Variants in CSNK1D observed in about 807,000 individuals in gnomAD.
CSNK1D encodes the protein casein kinase I isoform delta.
Under a neutral mutation model 46.6 loss-of-function variants are expected in CSNK1D, and 16 were observed. The observed-to-expected ratio is 0.34, with a 90% CI of 0.23 to 0.52. The LOEUF (loss-of-function observed/expected upper bound fraction) is 0.52. CSNK1D is among the 20% of genes least tolerant of loss of function. The pLI is 0.95. For missense variants in CSNK1D, 398 were observed against 578.4 expected, an observed-to-expected ratio of 0.69 and a Z score of 3.20; for synonymous variants, 276 against 228.2, an observed-to-expected ratio of 1.21 and a Z score of -1.89.
At chr17:82,262,670 G>A (rs935472579) in intron 2 of CSNK1D, among the ~76,000 whole-genome samples, 1 of 152,106 alleles carries the variant, frequency 6.6e-6, no homozygotes, top group Non-Finnish European at 1.5e-5. Flanking sequence ...ACCCATAACA[G>A]GACAATCTGC....
rs1358853270 is a variant in CSNK1D, at chr17:82,249,696, A to AC, written c.886-95dup. 2.0e-6 allele frequency: 3 copies of AC among 1,530,348 alleles called. No homozygotes were observed. The highest frequency in any genetic ancestry group is 1.4e-5 in the African/African-American group (1 of 72,850). The allele number at this position is 1,530,348 out of a possible 1,614,324, so 94.8% of individuals were successfully genotyped here. On this transcript the variant is annotated intron_variant, in intron 6 of 8. Coordinates refer to ENST00000314028, the MANE Select transcript of CSNK1D (RefSeq NM_001893.6). This position sits in a 1 kb window ranked among gnomAD's most constrained non-coding sequence, Gnocchi z 6.7. ...GCCCCGGCCACGTGAGAAAATACCT[A>AC]CCAAAGGGCACTGGGACGAGACTGC...
At chr17:82,244,976 CAG>C in intron 8 of CSNK1D, 145 bp from the exon 9 acceptor site, 1 of 1,011,326 alleles carries the variant, frequency 9.9e-7, no homozygotes, top group Non-Finnish European at 1.5e-6. Flanking sequence ...CCGCCACGCA[CAG>C]GGGCCTCTGT....
intron 1 of CSNK1D, among the ~76,000 whole-genome samples, chr17:82,271,152 T>G (rs1267842918): frequency 1.3e-5 from 2 of 152,218 alleles, no homozygotes; most frequent in African/African-American, 4.8e-5. Flanking sequence ...CTTGGCTCAC[T>G]GCAACCTCCG....
In CSNK1D at chr17:82,249,380, C is replaced by A; in HGVS notation, c.1057+51G>T. 1 of 1,522,264 alleles carries A rather than the reference C, an allele frequency of 6.6e-7. No homozygotes were observed. Among genetic ancestry groups the A allele is most frequent in the South Asian group, 1.2e-5 (1 of 83,672 alleles). The allele number at this position is 1,522,264 out of a possible 1,614,324, so 94.3% of individuals were successfully genotyped here. ...TGTTGTCCCCACCAACCCCAAGACA[C>A]AAGAAGTCACCCCAGAGCCAGCCCC... On this transcript the variant is annotated intron_variant, in intron 7 of 8. Coordinates refer to ENST00000314028, the MANE Select transcript of CSNK1D (RefSeq NM_001893.6). This position sits in a 1 kb window ranked among gnomAD's most constrained non-coding sequence, Gnocchi z 6.7.
downstream of CSNK1D, among the ~76,000 whole-genome samples, chr17:82,241,302 C>T (rs914790552): frequency 6.6e-6 from 1 of 152,198 alleles, no homozygotes; most frequent in African/African-American, 2.4e-5. Flanking sequence ...GCTTGGTGGC[C>T]CCGGACGCTG....
At chr17:82,254,593 G>C (rs1446498549) in intron 3 of CSNK1D, 205 of 176,118 alleles carry the variant, frequency 1.2e-3, no homozygotes, top group Non-Finnish European at 1.6e-3. Context: ...CCGGAGCCTC[G>C]AGAAGCCAGT....
rs180763397 is a variant in CSNK1D, at chr17:82,249,020, G to A, written c.1058-6C>T. The A allele has an allele frequency of 1.9e-5, 29 of 1,554,938 alleles. No homozygotes were observed. Among genetic ancestry groups the A allele is most frequent in the Admixed American group, 1.6e-4 (8 of 51,508 alleles). ...GGGCCGGGGGGAGGTGTTAGCTGAG[G>A]ACAGGGAGAGAAACGGAGTGGGCCG... On this transcript the variant is annotated splice_polypyrimidine_tract_variant and splice_region_variant and intron_variant, in intron 7 of 8. Coordinates refer to ENST00000314028, the MANE Select transcript of CSNK1D (RefSeq NM_001893.6). The surrounding 1 kb of genome is among the most constrained non-coding windows in gnomAD (Gnocchi z 6.7).
At position 82,255,629 on chromosome 17, in the gene CSNK1D, C is replaced by T; in HGVS notation, c.188-52G>A. 2 of 1,607,730 alleles carry T rather than the reference C, an allele frequency of 1.2e-6. No homozygotes were observed. Among genetic ancestry groups the T allele is most frequent in the Non-Finnish European group, 1.7e-6 (2 of 1,174,572 alleles). On this transcript the variant is annotated intron_variant, in intron 2 of 8. Coordinates refer to ENST00000314028, the MANE Select transcript of CSNK1D (RefSeq NM_001893.6). The surrounding 1 kb of genome is among the most constrained non-coding windows in gnomAD (Gnocchi z 5.9). ...TTCAGTCCAGGCCCTGCCTCAGCTC[C>T]ACACTAAGTCTGCACTGTGCACACC...
chr17:82,249,066 C>T lies in CSNK1D; in HGVS notation c.1058-52G>A, dbSNP rs1333141697. On this transcript the variant is annotated intron_variant, in intron 7 of 8. Transcript: ENST00000314028. The surrounding 1 kb of genome is among the most constrained non-coding windows in gnomAD (Gnocchi z 6.7). ...GGCCGCCCCCGTCTGCTGCCTCTCACTCGGGGCTTTCTATGAGAGGCTGTG... is the reference window on the plus strand; with the variant it reads ...GGCCGCCCCCGTCTGCTGCCTCTCATTCGGGGCTTTCTATGAGAGGCTGTG... The T allele has an allele frequency of 6.5e-7, 1 of 1,539,076 alleles. No homozygotes were observed. The highest frequency in any genetic ancestry group is 8.8e-7 in the Non-Finnish European group (1 of 1,139,950).
rs895997166 is a variant in CSNK1D at position 82,248,156 on chromosome 17, C to G, written c.1197+719G>C. The G allele has an allele frequency of 1.0e-6, 1 of 985,578 alleles. No individual in the cohort carries two copies. Among genetic ancestry groups the G allele is most frequent in the Non-Finnish European group, 1.2e-6 (1 of 830,010 alleles). 61.1% of individuals were successfully genotyped at this position (985,578 alleles called of 1,614,324 possible). On this transcript the variant is annotated intron_variant, in intron 8 of 8. Transcript: ENST00000314028. This position sits in a 1 kb window ranked among gnomAD's most constrained non-coding sequence, Gnocchi z 4.1. ...GGTGAAACAGCCCTGCCCCACTAAC[C>G]CTGCCCCTGTTGGCGAACAACCCAG...
intron 2 of CSNK1D, among the ~76,000 whole-genome samples, chr17:82,259,492 C>T (rs909701595): frequency 2.6e-5 from 4 of 152,220 alleles, no homozygotes; most frequent in Non-Finnish European, 5.9e-5. Flanking sequence ...ATCTACATAA[C>T]CACCTTGGAA....
At chr17:82,262,865 C>G (rs542231188) in intron 2 of CSNK1D, among the ~76,000 whole-genome samples, 9 of 152,354 alleles carry the variant, frequency 5.9e-5, no homozygotes, top group African/African-American at 1.7e-4. Flanking sequence ...CATTTGTTTT[C>G]TAAAATGCAG....
downstream of CSNK1D, chr17:82,239,028 G>C (rs914265273): frequency 2.0e-6 from 3 of 1,473,426 alleles, no homozygotes; most frequent in Non-Finnish European, 2.7e-6. Context: ...AGCCGGCAAC[G>C]CTTGCTATTT....
intron 1 of CSNK1D, among the ~76,000 whole-genome samples, chr17:82,271,766 G>A (rs933945234): frequency 1.3e-5 from 2 of 152,238 alleles, no homozygotes; most frequent in African/African-American, 2.4e-5. Context: ...CTGGTGACAA[G>A]TGGGAAGGGT....
chr17:82,250,212 G>A lies in CSNK1D; in HGVS notation c.886-610C>T, dbSNP rs754842825. On this transcript the variant is annotated intron_variant, in intron 6 of 8. Coordinates refer to ENST00000314028, the MANE Select transcript of CSNK1D (RefSeq NM_001893.6). The surrounding 1 kb of genome is among the most constrained non-coding windows in gnomAD (Gnocchi z 4.6). ...AAAGCAGATTCTAACTGCCAATGCT[G>A]TGCGGCAGGGGCCTGCAAACTACAG... 42 of 1,289,714 alleles carry A rather than the reference G, an allele frequency of 3.3e-5. No individual in the cohort carries two copies. Among genetic ancestry groups the A allele is most frequent in the South Asian group, 2.2e-4 (18 of 81,034 alleles). The allele number at this position is 1,289,714 out of a possible 1,614,324, so 79.9% of individuals were successfully genotyped here. A position where few individuals can be genotyped will look rare whatever the true frequency, so the allele number is the denominator to read the frequency against.
chr17:82,245,434 G>A (rs1263113675), intron 8 of CSNK1D: 7 of 209,006 alleles, frequency 3.3e-5, no homozygotes, highest in Non-Finnish European at 5.9e-5. Flanking sequence ...GACCAAGTGT[G>A]AAAAGAAACA....
chr17:82,260,003 T>G (rs1241069744), intron 2 of CSNK1D, among the ~76,000 whole-genome samples: 5 of 148,180 alleles, frequency 3.4e-5, no homozygotes, highest in Admixed American at 1.3e-4. Flanking sequence ...CTGAGTGATG[T>G]GACTGATGGT....
chr17:82,261,124 A>G (rs1025503054), intron 2 of CSNK1D: 1 of 154,902 alleles, frequency 6.5e-6, no homozygotes, highest in African/African-American at 2.4e-5. Flanking sequence ...CCCGTCATCC[A>G]TGGCATTAGA....
At chr17:82,246,343 G>A in intron 8 of CSNK1D, 6 of 1,305,582 alleles carry the variant, frequency 4.6e-6, no homozygotes, top group Non-Finnish European at 5.9e-6. Context: ...GGCAGGTGCT[G>A]GGCAGCCCCA....
Sources: gnomAD v4.1 joint callset for allele counts (sites outside exome capture counted in the v4.1 genomes callset) on GRCh38, gnomAD v4.1.1 for gene constraint, Gnocchi (gnomAD v3.1) non-coding constraint, MANE v1.5 for transcripts, NCBI Gene and HGNC (gene_info 2026-07-23, HGNC 2026-07-21) for gene names.